The following CMAS variants were observed in gnomAD, a reference collection of about 807,000 sequenced individuals.
CMAS encodes the protein cytidine monophosphate N-acetylneuraminic acid synthetase.
CMAS carries 21 observed loss-of-function variants against 53.4 expected under a neutral mutation model. The observed-to-expected ratio is 0.39, with a 90% CI of 0.28 to 0.57. The LOEUF (loss-of-function observed/expected upper bound fraction) is 0.57, where lower values mean the gene tolerates loss of function less well. CMAS is among the 20% of genes least tolerant of loss of function. The pLI, the probability that CMAS is intolerant of heterozygous loss-of-function variation, is 0.56. For synonymous variants in CMAS, 189 were observed against 195.2 expected, an observed-to-expected ratio of 0.97 and a Z score of 0.27; for missense variants, 384 against 534.9, an observed-to-expected ratio of 0.72 and a Z score of 2.78.
Position 22,051,010 on chromosome 12 carries a change from G to A in CMAS, c.261-4139G>A, listed in dbSNP as rs370672469. Among the ~76,000 whole-genome samples, 85 of 152,222 alleles carry A rather than the reference G, an allele frequency of 5.6e-4. 1 individual carries two copies. Among genetic ancestry groups the A allele is most frequent in the African/African-American group, 2.0e-3 (85 of 41,546 alleles). On this transcript the variant is annotated intron_variant, in intron 1 of 7. Transcript: ENST00000229329. ...TTCAAAAAATGTTTACCTTAGGAGAGAGCTGAAGAAAATTGCAGCTGTCTG... is the reference window on the plus strand; with the variant it reads ...TTCAAAAAATGTTTACCTTAGGAGAAAGCTGAAGAAAATTGCAGCTGTCTG...
intron 1 of CMAS, 47 bp downstream of exon 1, chr12:22,046,610 A>C: frequency 6.8e-7 from 1 of 1,469,226 alleles, no homozygotes; most frequent in Non-Finnish European, 9.0e-7. Context: ...GGGGGTCGGG[A>C]GAGGGAGTCG....
chr12:22,049,351 C>T (rs549115544), intron 1 of CMAS, among the ~76,000 whole-genome samples: 28 of 152,218 alleles, frequency 1.8e-4, no homozygotes, highest in African/African-American at 6.3e-4. Flanking sequence ...GGTCAGAACC[C>T]AACAACCAAC....
In CMAS at chr12:22,060,839, A is replaced by T; in HGVS notation, c.701A>T (p.Lys234Ile). ...LIEMGYLQGG[K>I]MAYYEMRAEH... is the part of the protein sequence containing the mutation. Reference sequence around the variant, plus strand: ...CATTTATACTACCTTTAGGGTGGAAAAATGGCATACTACGAAATGCGAGCT... The same window carrying T: ...CATTTATACTACCTTTAGGGTGGAATAATGGCATACTACGAAATGCGAGCT... The change falls in exon 5 of 8, where the codon AAA becomes ATA. Residue 234 changes from lysine to isoleucine, a missense_variant. By Grantham distance (102) the Lys-to-Ile change is moderately radical (BLOSUM62 -3). This residue lies in a region of CMAS where 139 missense variants were observed against 248.0 expected (regional missense o/e 0.56). Coordinates refer to ENST00000229329, the MANE Select transcript of CMAS (RefSeq NM_018686.6). 6.2e-7 allele frequency: 1 copy of T among 1,604,190 alleles called. No individual in the cohort carries two copies. The highest frequency in any genetic ancestry group is 8.5e-7 in the Non-Finnish European group (1 of 1,171,550).
Position 22,046,484 on chromosome 12 carries a change from A to G in CMAS, c.181A>G (p.Lys61Glu). ...GGGAGGCAGCAAAGGCATCCCCCTGAAGAACATTAAGCACCTGGCGGGGGT... is the reference window on the plus strand; with the variant it reads ...GGGAGGCAGCAAAGGCATCCCCCTGGAGAACATTAAGCACCTGGCGGGGGT... ...ARGGSKGIPL[K>E]NIKHLAGVPL... The change falls in exon 1 of 8, where the codon AAG (lysine) becomes GAG (glutamate). Residue 61 changes from lysine (K) to glutamate (E), a missense_variant. Lys to Glu is a moderately conservative substitution (Grantham distance 56, BLOSUM62 1). Around this residue, in one of 3 missense-constraint regions of CMAS, gnomAD observed 111 missense variants for 132.2 expected, o/e 0.84. Transcript: ENST00000229329. 6.2e-7 allele frequency: 1 copy of G among 1,609,908 alleles called. No individual in the cohort carries two copies.
At position 22,065,099 on chromosome 12, in the gene CMAS, CAG is replaced by C; in HGVS notation, c.1115-21_1115-20del. The C allele has an allele frequency of 1.9e-6, 3 of 1,560,826 alleles. No individual in the cohort carries two copies. Among genetic ancestry groups the C allele is most frequent in the Non-Finnish European group, 2.6e-6 (3 of 1,141,696 alleles). On this transcript the variant is annotated intron_variant, in intron 7 of 7. Transcript: ENST00000229329. The stretch of plus-strand genomic sequence containing the variant: ...TTCTTTGTCTCTTTAAATGTTTGCT[CAG>C]TATTTATTTTACTTGATAGGAAATG...
intron 3 of CMAS, among the ~76,000 whole-genome samples, chr12:22,057,131 GT>G (rs1565530549): frequency 6.6e-6 from 1 of 151,864 alleles, no homozygotes. Flanking sequence ...GGATGATTTC[GT>G]TAAACAAGTA....
chr12:22,065,108 T>C lies in CMAS; in HGVS notation c.1115-13T>C. ...TCTTTAAATGTTTGCTCAGTATTTA[T>C]TTTACTTGATAGGAAATGAAGTGTC... On this transcript the variant is annotated splice_polypyrimidine_tract_variant and intron_variant, in intron 7 of 7. Transcript: ENST00000229329. 6.3e-7 allele frequency: 1 copy of C among 1,584,164 alleles called. No homozygotes were observed.
At chr12:22,051,423 A>G (rs978962004) in intron 1 of CMAS, among the ~76,000 whole-genome samples, 1 of 152,240 alleles carries the variant, frequency 6.6e-6, no homozygotes, top group Admixed American at 6.5e-5. Flanking sequence ...TATTATCCCT[A>G]AAATGGCAGC....
chr12:22,063,817 A>C (rs1002387208), intron 7 of CMAS: 7 of 152,036 alleles, frequency 4.6e-5, no homozygotes, highest in Non-Finnish European at 8.8e-5. Context: ...ACAGCAGGCC[A>C]GGCATGATGG....
chr12:22,062,278 A>C lies in CMAS; in HGVS notation c.961-3A>C. On this transcript the variant is annotated splice_polypyrimidine_tract_variant and splice_region_variant and intron_variant, in intron 6 of 7. Coordinates refer to ENST00000229329, the MANE Select transcript of CMAS (RefSeq NM_018686.6). ...TCCAATCCTTTTTTTTTTTTTTTTT[A>C]AGGTGAGGCTAATCTCAGAAAGGGC... The C allele has an allele frequency of 7.1e-7, 1 of 1,399,606 alleles. No individual in the cohort carries two copies. Among genetic ancestry groups the C allele is most frequent in the Non-Finnish European group, 9.5e-7 (1 of 1,057,770 alleles). The allele number at this position is 1,399,606 out of a possible 1,614,324, so 86.7% of individuals were successfully genotyped here. A position where few individuals can be genotyped will look rare whatever the true frequency, so the allele number is the denominator to read the frequency against.
Position 22,062,419 on chromosome 12 carries a change from G to C in CMAS, c.1099G>C (p.Glu367Gln). ...WRKEMGLCWK[E>Q]VAYLGNEVSD... The stretch of plus-strand genomic sequence containing the variant: ...AAAAGAAATGGGCCTGTGCTGGAAA[G>C]AAGTGGCATATCTTGGTTGGTATCT... Residue 367 changes from glutamate (E) to glutamine (Q), a missense_variant, in exon 7 of 8, where the codon GAA becomes CAA. By Grantham distance (29) the Glu-to-Gln change is conservative. This residue lies in a region of CMAS where 134 missense variants were observed against 154.6 expected (regional missense o/e 0.87). Transcript: ENST00000229329. 6.2e-7 allele frequency: 1 copy of C among 1,613,222 alleles called. No homozygotes were observed. Among genetic ancestry groups the C allele is most frequent in the South Asian group, 1.1e-5 (1 of 90,970 alleles).
At chr12:22,063,781 A>G (rs1262255510) in intron 7 of CMAS, 2 of 151,996 alleles carry the variant, frequency 1.3e-5, no homozygotes, top group Non-Finnish European at 2.9e-5. Flanking sequence ...AATGGAGAAG[A>G]GCATTTACAT....
chr12:22,065,301 G>T lies in CMAS; in HGVS notation c.1295G>T (p.Cys432Phe), dbSNP rs1165445750. The change falls in exon 8 of 8, where the codon TGC (cysteine) becomes TTC (phenylalanine). Residue 432 changes from cysteine to phenylalanine, a missense_variant. By Grantham distance (205) the Cys-to-Phe change is radical. Transcript: ENST00000229329. Reference sequence around the variant, plus strand: ...CTAATGGAAAAGGTTAATAATTCATGCCAAAAATAGAAATTAGCGTAATAT... The same window carrying T: ...CTAATGGAAAAGGTTAATAATTCATTCCAAAAATAGAAATTAGCGTAATAT... ...CLLMEKVNNS[C>F]QK is the part of the protein sequence containing the mutation. The T allele has an allele frequency of 1.2e-6, 2 of 1,606,918 alleles. No homozygotes were observed. Among genetic ancestry groups the T allele is most frequent in the South Asian group, 2.2e-5 (2 of 90,706 alleles).
chr12:22,046,667 G>A (rs1368431655), intron 1 of CMAS, 104 bp downstream of exon 1: 2 of 1,296,174 alleles, frequency 1.5e-6, no homozygotes, highest in East Asian at 5.7e-5. Context: ...TCTTGGAAGG[G>A]GGCCATCTCT....
chr12:22,053,679 A>T (rs993372077), intron 1 of CMAS, among the ~76,000 whole-genome samples: 1 of 150,132 alleles, frequency 6.7e-6, no homozygotes, highest in Non-Finnish European at 1.5e-5. Context: ...GGAGATCGAG[A>T]CCATCTTGGC....
intron 3 of CMAS, among the ~76,000 whole-genome samples, chr12:22,056,850 C>T (rs1591793709): frequency 6.6e-6 from 1 of 152,118 alleles, no homozygotes; most frequent in East Asian, 1.9e-4. Flanking sequence ...GTACCTTCTC[C>T]TCATACTCAG....
At chr12:22,051,026 C>G (rs1199233991) in intron 1 of CMAS, among the ~76,000 whole-genome samples, 1 of 152,044 alleles carries the variant, frequency 6.6e-6, no homozygotes, top group Non-Finnish European at 1.5e-5. Flanking sequence ...AAGAAAATTG[C>G]AGCTGTCTGA....
intron 2 of CMAS, 44 bp downstream of exon 2, chr12:22,055,335 T>C: frequency 6.6e-7 from 1 of 1,504,534 alleles, no homozygotes. Flanking sequence ...TATGTACTTT[T>C]CTACTTCCTT....
intron 1 of CMAS, among the ~76,000 whole-genome samples, chr12:22,048,756 T>C (rs918840163): frequency 6.6e-6 from 1 of 152,182 alleles, no homozygotes; most frequent in Non-Finnish European, 1.5e-5. Context: ...TCCTAGTCCC[T>C]CTGGGAAGAT....
Sources: gnomAD v4.1 joint callset for allele counts (sites outside exome capture counted in the v4.1 genomes callset) on GRCh38, gnomAD v4.1.1 for gene constraint, gnomAD v4.1.1 regional missense constraint, MANE v1.5 for transcripts, NCBI Gene and HGNC (gene_info 2026-07-23, HGNC 2026-07-21) for gene names.